The following TTC27 variants were observed in gnomAD, a reference collection of about 807,000 sequenced individuals.
The protein encoded by TTC27 is tetratricopeptide repeat domain 27, also known as tetratricopeptide repeat protein 27.
TTC27 carries 79 observed loss-of-function variants against 115.9 expected under a neutral mutation model. The ratio of observed to expected loss-of-function variants is 0.68; its 90% CI spans 0.57 to 0.82. The LOEUF (loss-of-function observed/expected upper bound fraction) is 0.82, where lower values mean the gene tolerates loss of function less well. Among genes scored for constraint, TTC27 ranks in the 40% least tolerant of loss-of-function variants. The pLI is 0.00. For synonymous variants in TTC27, 401 were observed against 356.0 expected (o/e 1.13, Z -1.42); for missense variants, 1,054 against 993.1 (o/e 1.06, Z -0.82).
At chr2:32,696,322 C>T (rs1369494579) in intron 9 of TTC27, among the ~76,000 whole-genome samples, 1 of 151,202 alleles carries the variant, frequency 6.6e-6, no homozygotes, top group Non-Finnish European at 1.5e-5. Context: ...CAGAGTCTCA[C>T]TCTGTCGCCC....
At chr2:32,695,054 G>C (rs1045775451) in intron 9 of TTC27, among the ~76,000 whole-genome samples, 2 of 152,048 alleles carry the variant, frequency 1.3e-5, no homozygotes, top group Non-Finnish European at 2.9e-5. Flanking sequence ...AACACAAAAT[G>C]TACCATCTTA....
chr2:32,729,496 G>C (rs1668219007), intron 10 of TTC27, among the ~76,000 whole-genome samples: 1 of 151,998 alleles, frequency 6.6e-6, no homozygotes, highest in East Asian at 1.9e-4. Context: ...TATTGCATGG[G>C]GTTAGGGGGT....
intron 8 of TTC27, among the ~76,000 whole-genome samples, chr2:32,675,383 G>T (rs542138359): frequency 1.3e-3 from 199 of 152,258 alleles, no homozygotes; most frequent in African/African-American, 4.6e-3. Flanking sequence ...CTATATTGAG[G>T]TAAACTTTAC....
chr2:32,640,250 G>T lies in TTC27; in HGVS notation c.397-20G>T. On this transcript the variant is annotated intron_variant, in intron 3 of 19. Coordinates refer to ENST00000317907, the MANE Select transcript of TTC27 (RefSeq NM_017735.5). Reference sequence around the variant, plus strand: ...TATTTTGTTAAATTATATCATCTTAGTTTATAATCCTTTTTTCAGGTTAAA... The same window carrying T: ...TATTTTGTTAAATTATATCATCTTATTTTATAATCCTTTTTTCAGGTTAAA... The T allele has an allele frequency of 6.2e-7, 1 of 1,604,748 alleles. No individual in the cohort carries two copies. Among genetic ancestry groups the T allele is most frequent in the Non-Finnish European group, 8.5e-7 (1 of 1,176,296 alleles).
At chr2:32,663,098 A>G (rs1204288456) in intron 5 of TTC27, among the ~76,000 whole-genome samples, 1 of 152,184 alleles carries the variant, frequency 6.6e-6, no homozygotes, top group South Asian at 2.1e-4. Flanking sequence ...CCAGTGGATC[A>G]TAGCTTGCTG....
rs768707294 is a variant in TTC27 at position 32,811,138 on chromosome 2, G to T, written c.2113G>T (p.Val705Leu). Reference sequence around the variant, plus strand: ...GTTATTTGGCAGAGTGACTTCAAGAGTGACAAATGATGGAGAAATCTGGAG... The same window carrying T: ...GTTATTTGGCAGAGTGACTTCAAGATTGACAAATGATGGAGAAATCTGGAG... ...QELFGRVTSR[V>L]TNDGEIWRLY... The change falls in exon 17 of 20, where the codon GTG (valine) becomes TTG (leucine). Residue 705 changes from valine (V) to leucine (L), a missense_variant. Val to Leu is a conservative substitution (Grantham distance 32). Transcript: ENST00000317907. The T allele has an allele frequency of 6.2e-7, 1 of 1,614,184 alleles. No homozygotes were observed. The highest frequency in any genetic ancestry group is 8.5e-7 in the Non-Finnish European group (1 of 1,180,036).
chr2:32,757,783 C>T (rs1186342180), intron 12 of TTC27, among the ~76,000 whole-genome samples: 2 of 152,274 alleles, frequency 1.3e-5, no homozygotes, highest in Non-Finnish European at 2.9e-5. Context: ...ACCTCCACCT[C>T]CTGGGTTCAA....
chr2:32,702,364 T>C (rs543831847), intron 9 of TTC27, among the ~76,000 whole-genome samples: 2 of 152,274 alleles, frequency 1.3e-5, no homozygotes, highest in East Asian at 3.9e-4. Context: ...GGAGTCAGTG[T>C]TTATCATAGT....
chr2:32,657,712 T>G (rs1287507703), intron 5 of TTC27, among the ~76,000 whole-genome samples: 2 of 152,122 alleles, frequency 1.3e-5, no homozygotes, highest in African/African-American at 2.4e-5. Context: ...CCCTAAAAAC[T>G]TTTTCATACC....
intron 16 of TTC27, among the ~76,000 whole-genome samples, chr2:32,808,310 T>C (rs1196498182): frequency 2.6e-5 from 4 of 152,212 alleles, no homozygotes; most frequent in African/African-American, 7.2e-5. Context: ...ACAGTCTCTT[T>C]AGGCAATATC....
chr2:32,754,633 A>G (rs1265874557), intron 12 of TTC27, among the ~76,000 whole-genome samples: 3 of 151,046 alleles, frequency 2.0e-5, no homozygotes, highest in East Asian at 2.0e-4. Flanking sequence ...CATTGTCATC[A>G]TGGCCCATTC....
chr2:32,784,583 C>T (rs1003110990), intron 15 of TTC27, among the ~76,000 whole-genome samples: 7 of 152,098 alleles, frequency 4.6e-5, no homozygotes, highest in South Asian at 2.1e-4. Flanking sequence ...TGTCTATATT[C>T]GGATGTAATT....
At chr2:32,649,791 G>A (rs575200767) in intron 4 of TTC27, among the ~76,000 whole-genome samples, 52 of 152,070 alleles carry the variant, frequency 3.4e-4, no homozygotes, top group African/African-American at 1.3e-3. Flanking sequence ...TGATCTGCCC[G>A]CCTCGGCCTC....
At position 32,753,429 on chromosome 2, in the gene TTC27, CTTTTTT is replaced by C. The variant is rs776515945; in HGVS notation, c.1453-4843_1453-4838del. 6.0e-4 allele frequency among the ~76,000 whole-genome samples: 44 copies of C among 72,882 alleles called. 1 individual carries two copies. The highest frequency in any genetic ancestry group is 3.5e-3 in the South Asian group (5 of 1,424). 47.8% of individuals were successfully genotyped at this position (72,882 alleles called of 152,430 possible). Reference sequence around the variant, plus strand: ...ATACTCGGTTAATCCAATCAAATGCCTTTTTTTTTTTTTTTTTTTTTTTTTGGAGAC... The same window carrying C: ...ATACTCGGTTAATCCAATCAAATGCCTTTTTTTTTTTTTTTTTTTGGAGAC... On this transcript the variant is annotated intron_variant, in intron 12 of 19. Coordinates refer to ENST00000317907, the MANE Select transcript of TTC27 (RefSeq NM_017735.5).
intron 13 of TTC27, among the ~76,000 whole-genome samples, chr2:32,761,662 A>G (rs1055523170): frequency 4.6e-5 from 7 of 151,918 alleles, no homozygotes; most frequent in Non-Finnish European, 7.4e-5. Flanking sequence ...CAGATATTTC[A>G]TTCAAGTCTG....
intron 16 of TTC27, among the ~76,000 whole-genome samples, chr2:32,810,299 C>A (rs1671278207): frequency 6.6e-6 from 1 of 152,038 alleles, no homozygotes; most frequent in South Asian, 2.1e-4. Context: ...GTTAATGAGG[C>A]CTGAACTTAG....
chr2:32,705,559 T>A (rs1667339585), intron 10 of TTC27, among the ~76,000 whole-genome samples: 1 of 152,200 alleles, frequency 6.6e-6, no homozygotes, highest in Admixed American at 6.5e-5. Context: ...TATTCATTTA[T>A]TTCTTCTTAG....
intron 13 of TTC27, among the ~76,000 whole-genome samples, chr2:32,773,226 C>T (rs1315345637): frequency 6.6e-6 from 1 of 152,172 alleles, no homozygotes; most frequent in Non-Finnish European, 1.5e-5. Context: ...ATACAGCCAG[C>T]TTGCCTTCAC....
chr2:32,763,035 A>AG (rs1669502090), intron 13 of TTC27, among the ~76,000 whole-genome samples: 1 of 152,242 alleles, frequency 6.6e-6, no homozygotes, highest in African/African-American at 2.4e-5. Flanking sequence ...AGAACTTGAC[A>AG]GGGCTTGCTG....
Sources: gnomAD v4.1 joint callset for allele counts (sites outside exome capture counted in the v4.1 genomes callset) on GRCh38, gnomAD v4.1.1 for gene constraint, MANE v1.5 for transcripts, NCBI Gene and HGNC (gene_info 2026-07-23, HGNC 2026-07-21) for gene names.